BTBD1: variants seen among roughly 807,000 people sequenced by gnomAD.
BTBD1 encodes BTB/POZ domain-containing protein 1.
Under a neutral mutation model 48.0 loss-of-function variants are expected in BTBD1, and 34 were observed. That is an observed-to-expected ratio of 0.71 (90% CI 0.54 to 0.94). The LOEUF (loss-of-function observed/expected upper bound fraction) is 0.94, where lower values mean the gene tolerates loss of function less well. Among genes scored for constraint, BTBD1 ranks in the 40% least tolerant of loss-of-function variants. The pLI is 0.00. For synonymous variants in BTBD1, 261 were observed against 242.1 expected (o/e 1.08, Z -0.72); for missense variants, 543 against 625.6 (o/e 0.87, Z 1.41).
intron 4 of BTBD1, among the ~76,000 whole-genome samples, chr15:83,033,013 T>C (rs1331645868): frequency 2.2e-5 from 3 of 135,824 alleles, no homozygotes; most frequent in African/African-American, 5.9e-5. Context: ...ATTCAAATGA[T>C]AGATGGGAAT....
chr15:83,025,279 A>G (rs2032380870), intron 5 of BTBD1, among the ~76,000 whole-genome samples: 1 of 147,330 alleles, frequency 6.8e-6, no homozygotes, highest in Non-Finnish European at 1.5e-5. Flanking sequence ...AATTACTTGA[A>G]CTCAGGAGGC....
At chr15:83,037,707 G>T (rs2032655993) in intron 4 of BTBD1, among the ~76,000 whole-genome samples, 2 of 152,160 alleles carry the variant, frequency 1.3e-5, no homozygotes, top group African/African-American at 4.8e-5. Context: ...GAAAGGAAAA[G>T]AAATAAAATG....
At chr15:83,044,466 A>G in intron 3 of BTBD1, 3 of 1,578,834 alleles carry the variant, frequency 1.9e-6, no homozygotes, top group South Asian at 2.2e-5. Context: ...TGCTTTGCGA[A>G]AAATGGACGC....
intron 2 of BTBD1, among the ~76,000 whole-genome samples, chr15:83,055,316 G>A (rs1183489932): frequency 5.3e-5 from 8 of 152,150 alleles, no homozygotes; most frequent in Non-Finnish European, 8.8e-5. Flanking sequence ...GGACTGCAAT[G>A]GCGCAATCTC....
At chr15:83,062,179 G>A (rs2033186952) in intron 1 of BTBD1, among the ~76,000 whole-genome samples, 1 of 150,902 alleles carries the variant, frequency 6.6e-6, no homozygotes, top group Non-Finnish European at 1.5e-5. Context: ...TAAACATCCT[G>A]TAGGTAAAAA....
intron 4 of BTBD1, among the ~76,000 whole-genome samples, chr15:83,032,969 C>CAAAAAAAAAAAAAAAAAAAA (rs56152195): frequency 5.7e-5 from 5 of 86,992 alleles, no homozygotes; most frequent in African/African-American, 2.5e-4. Flanking sequence ...TACTCTGTCT[C>CAAAAAAAAAAAAAAAAAAAA]AAAAAAAAAA....
intron 4 of BTBD1, among the ~76,000 whole-genome samples, chr15:83,032,447 A>C (rs907174265): frequency 6.6e-6 from 1 of 152,230 alleles, no homozygotes; most frequent in Non-Finnish European, 1.5e-5. Flanking sequence ...TTATAGCAGC[A>C]CTACCAACTG....
chr15:83,064,146 T>C (rs537069909), intron 1 of BTBD1, among the ~76,000 whole-genome samples: 1 of 152,376 alleles, frequency 6.6e-6, no homozygotes, highest in East Asian at 1.9e-4. Flanking sequence ...TAATGTTAAC[T>C]AATTCAGGAT....
At chr15:83,045,177 T>C (rs755920662) in intron 3 of BTBD1, among the ~76,000 whole-genome samples, 4 of 152,132 alleles carry the variant, frequency 2.6e-5, no homozygotes, top group Non-Finnish European at 4.4e-5. Flanking sequence ...TAAATACATA[T>C]CAGATAAACA....
chr15:83,053,347 C>T (rs1427160782), intron 2 of BTBD1, among the ~76,000 whole-genome samples: 2 of 150,640 alleles, frequency 1.3e-5, no homozygotes, highest in Admixed American at 6.6e-5. Flanking sequence ...TTCACATGAC[C>T]CCACCAGTGA....
chr15:83,032,969 C>CAAAA (rs56152195), intron 4 of BTBD1, among the ~76,000 whole-genome samples: 7,514 of 86,710 alleles, frequency 0.087, 474 homozygotes, highest in Middle Eastern at 0.22. Context: ...TACTCTGTCT[C>CAAAA]AAAAAAAAAA....
intron 4 of BTBD1, among the ~76,000 whole-genome samples, chr15:83,035,265 G>A (rs768703614): frequency 6.6e-5 from 10 of 152,104 alleles, no homozygotes; most frequent in Non-Finnish European, 1.3e-4. Flanking sequence ...CTGCACTCCA[G>A]CCTGGGTGAC....
intron 4 of BTBD1, among the ~76,000 whole-genome samples, chr15:83,037,726 TAAGAA>T (rs2032656368): frequency 6.6e-6 from 1 of 152,176 alleles, no homozygotes; most frequent in African/African-American, 2.4e-5. Flanking sequence ...TGCACCCAAA[TAAGAA>T]AAGAAGTCAA....
chr15:83,062,082 A>G (rs988700767), intron 1 of BTBD1, among the ~76,000 whole-genome samples: 6 of 152,310 alleles, frequency 3.9e-5, no homozygotes, highest in Admixed American at 3.9e-4. Context: ...GGCCATTAGT[A>G]ATTAGGGTTG....
chr15:83,048,500 T>C (rs1035645829), intron 3 of BTBD1, among the ~76,000 whole-genome samples: 3 of 152,164 alleles, frequency 2.0e-5, no homozygotes, highest in African/African-American at 7.2e-5. Flanking sequence ...AAAAGGTACA[T>C]TGTTAGCCTA....
chr15:83,041,971 C>T (rs758480275), intron 3 of BTBD1, 46 bp from the exon 4 acceptor site: 6 of 1,554,554 alleles, frequency 3.9e-6, no homozygotes, highest in Non-Finnish European at 5.3e-6. Context: ...TATTTTAGCT[C>T]TCTAACCAAG....
rs1050198632 is a variant in BTBD1, at chr15:83,017,177, T to C, written c.*890A>G. Reference sequence around the variant, plus strand: ...GTGATTCTGTTGGATCTCTTTACAATGTCAGAGCAGTTGTTAGAAATGTTA... The same window carrying C: ...GTGATTCTGTTGGATCTCTTTACAACGTCAGAGCAGTTGTTAGAAATGTTA... On this transcript the variant is annotated 3_prime_UTR_variant, in exon 8 of 8. Coordinates refer to ENST00000261721, the MANE Select transcript of BTBD1 (RefSeq NM_025238.4). 1.3e-5 allele frequency: 2 copies of C among 152,658 alleles called. No individual in the cohort carries two copies. The highest frequency in any genetic ancestry group is 2.9e-5 in the Non-Finnish European group (2 of 68,042). The allele number at this position is 152,658 out of a possible 1,614,324, so 9.5% of individuals were successfully genotyped here. A position where few individuals can be genotyped will look rare whatever the true frequency, so the allele number is the denominator to read the frequency against.
At chr15:83,061,776 A>T (rs1262057717) in intron 1 of BTBD1, 2 of 152,220 alleles carry the variant, frequency 1.3e-5, no homozygotes, top group African/African-American at 2.4e-5. Flanking sequence ...AGCTACATAG[A>T]CGACAAACCA....
chr15:83,067,166 G>T lies in BTBD1; in HGVS notation c.-15C>A, dbSNP rs1368594904. On this transcript the variant is annotated 5_prime_UTR_variant, in exon 1 of 8. Transcript: ENST00000261721. ...AGTGAGGCCATCCTCCAGCTGCGCGGTTGCCCACGTTATGGACAAAACTCC... is the reference window on the plus strand; with the variant it reads ...AGTGAGGCCATCCTCCAGCTGCGCGTTTGCCCACGTTATGGACAAAACTCC... The T allele has an allele frequency of 9.9e-6, 14 of 1,412,900 alleles. No homozygotes were observed. The highest frequency in any genetic ancestry group is 1.5e-5 in the African/African-American group (1 of 66,606). The allele number at this position is 1,412,900 out of a possible 1,614,324, so 87.5% of individuals were successfully genotyped here.
Sources: allele counts gnomAD v4.1 joint callset (sites outside exome capture counted in the v4.1 genomes callset), GRCh38; gene constraint gnomAD v4.1.1; transcripts MANE v1.5; gene names NCBI Gene and HGNC (gene_info 2026-07-23, HGNC 2026-07-21).